UGT1A1: variants seen among roughly 807,000 people sequenced by gnomAD.
The protein encoded by UGT1A1 is UDP-glucuronosyltransferase 1A1.
A neutral mutation model predicts 40.6 loss-of-function variants in UGT1A1; 33 were observed. The ratio of observed to expected loss-of-function variants is 0.81; its 90% confidence interval spans 0.62 to 1.09. The LOEUF is 1.09. UGT1A1 is among the 50% of genes least tolerant of loss of function. UGT1A1 has a pLI of 0.00. For missense variants in UGT1A1, 694 were observed against 671.2 expected, an observed-to-expected ratio of 1.03 and a Z score of -0.38; for synonymous variants, 249 against 265.0, an observed-to-expected ratio of 0.94 and a Z score of 0.59.
chr2:233,771,184 C>G (rs1452671929), intron 4 of UGT1A1: 1 of 152,242 alleles, frequency 6.6e-6, no homozygotes, highest in Non-Finnish European at 1.5e-5. Flanking sequence ...TACAATTCAA[C>G]ATGAGATCTG....
At position 233,761,093 on chromosome 2, in the gene UGT1A1, T is replaced by G; in HGVS notation, c.806T>G (p.Met269Arg). 6.2e-7 allele frequency: 1 copy of G among 1,614,222 alleles called. No homozygotes were observed. The highest frequency in any genetic ancestry group is 8.5e-7 in the Non-Finnish European group (1 of 1,180,028). ...GTGAAGGATTACCCTAGGCCCATCA[T>G]GCCCAATATGGTTTTTGTTGGTGGA... ...DFVKDYPRPI[M>R]PNMVFVGGIN... The change falls in exon 1 of 5, where the codon ATG (methionine) becomes AGG (arginine). Residue 269 changes from methionine (M) to arginine (R), a missense_variant. Met to Arg is a moderately conservative substitution (Grantham distance 91). Coordinates refer to ENST00000305208, the MANE Select transcript of UGT1A1 (RefSeq NM_000463.3).
chr2:233,767,223 A>G (rs1699340574), intron 2 of UGT1A1, 58 bp downstream of exon 2: 3 of 1,610,856 alleles, frequency 1.9e-6, no homozygotes, highest in South Asian at 1.1e-5. Flanking sequence ...CTAATCCCAG[A>G]CTTCCAGCTT....
intron 1 of UGT1A1, 105 bp from the exon 2 acceptor site, chr2:233,766,924 ATGCCT>A: frequency 6.4e-7 from 1 of 1,565,450 alleles, no homozygotes; most frequent in Non-Finnish European, 8.6e-7. Context: ...TCAAACACGC[ATGCCT>A]TTAATCATAG....
chr2:233,768,949 T>G (rs973201287), intron 4 of UGT1A1, among the ~76,000 whole-genome samples: 26 of 152,212 alleles, frequency 1.7e-4, no homozygotes, highest in Admixed American at 1.5e-3. Context: ...TTAGTTTCTA[T>G]ATAATTTATC....
chr2:233,761,872 G>A (rs1697885478), intron 1 of UGT1A1, among the ~76,000 whole-genome samples: 1 of 152,232 alleles, frequency 6.6e-6, no homozygotes, highest in Admixed American at 6.5e-5. Context: ...ATTTCAGAGA[G>A]CGTTCATTCA....
rs1173929998 is a variant in UGT1A1, at chr2:233,772,412, G to A, written c.1455G>A (p.Gln485=). The change falls in exon 5 of 5, where the codon CAG becomes CAA. Residue 485 remains glutamine (Q), a synonymous_variant. Transcript: ENST00000305208. The part of the protein sequence containing the change: ...RPAAHDLTWY[Q]YHSLDVIGFL... Reference sequence around the variant, plus strand: ...CAGCCCACGACCTCACCTGGTACCAGTACCATTCCTTGGACGTGATTGGTT... The same window carrying A: ...CAGCCCACGACCTCACCTGGTACCAATACCATTCCTTGGACGTGATTGGTT... 3 of 1,614,244 alleles carry A rather than the reference G, an allele frequency of 1.9e-6. No individual in the cohort carries two copies. The highest frequency in any genetic ancestry group is 1.7e-5 in the Admixed American group (1 of 60,028).
Position 233,768,531 on chromosome 2 carries a change from G to A in UGT1A1, c.1304+92G>A, listed in dbSNP as rs868518109. ...AAACATTTACGTAGCATTTAATAGC[G>A]TTGTTTCAAATATAAAAACAAATAC... On this transcript the variant is annotated intron_variant, in intron 4 of 4. Transcript: ENST00000305208. 3.8e-5 allele frequency: 56 copies of A among 1,481,648 alleles called. No individual in the cohort carries two copies. In the East Asian group the frequency reaches 3.8e-4, roughly 10 times the overall value. 91.8% of individuals were successfully genotyped at this position (1,481,648 alleles called of 1,614,324 possible).
At position 233,767,163 on chromosome 2, in the gene UGT1A1, A is replaced by C; in HGVS notation, c.994A>C (p.Thr332Pro). ...TGATGCTTTGGGCAAAATCCCTCAG[A>C]CAGTAAGAAGATTCTATACCATGGC... is the stretch of plus-strand genomic sequence containing the variant. Reference protein sequence around the residue: ...IADALGKIPQTVLWRYTGTRP... With the variant: ...IADALGKIPQPVLWRYTGTRP... Residue 332 changes from threonine (T) to proline (P), a missense_variant and splice_region_variant, in exon 2 of 5, where the codon ACA becomes CCA. Thr to Pro is a conservative substitution (Grantham distance 38). Coordinates refer to ENST00000305208, the MANE Select transcript of UGT1A1 (RefSeq NM_000463.3). The C allele has an allele frequency of 6.2e-7, 1 of 1,614,100 alleles. No individual in the cohort carries two copies. The highest frequency in any genetic ancestry group is 8.5e-7 in the Non-Finnish European group (1 of 1,180,006).
At chr2:233,767,659 C>G (rs975874168) in intron 2 of UGT1A1, among the ~76,000 whole-genome samples, 190 bp from the exon 3 acceptor site, 4 of 152,186 alleles carry the variant, frequency 2.6e-5, no homozygotes, top group African/African-American at 9.7e-5. Context: ...TGCATACACC[C>G]TTGTAACTAA....
At chr2:233,762,434 G>T (rs1698074575) in intron 1 of UGT1A1, among the ~76,000 whole-genome samples, 1 of 152,184 alleles carries the variant, frequency 6.6e-6, no homozygotes, top group Non-Finnish European at 1.5e-5. Flanking sequence ...GAGTAACAGT[G>T]TATTCCCACT....
Position 233,761,049 on chromosome 2 carries a change from G to A in UGT1A1, c.762G>A (p.Trp254Ter), listed in dbSNP as rs1344319848. 2 of 1,614,174 alleles carry A rather than the reference G, an allele frequency of 1.2e-6. No homozygotes were observed. The highest frequency in any genetic ancestry group is 1.7e-6 in the Non-Finnish European group (2 of 1,180,038). The change falls in exon 1 of 5, where the codon TGG (tryptophan) becomes TGA (stop). Residue 254 changes from tryptophan (W) to a stop codon, truncating the protein, a stop_gained. Transcript: ENST00000305208. LOFTEE classifies it high-confidence loss of function. Reference protein sequence around the residue: ...VQDLLSSASVWLFRSDFVKDY... With the variant: ...VQDLLSSASV ...ACCTATTGAGCTCTGCATCTGTCTGGCTGTTTAGAAGTGACTTTGTGAAGG... is the reference window on the plus strand; with the variant it reads ...ACCTATTGAGCTCTGCATCTGTCTGACTGTTTAGAAGTGACTTTGTGAAGG...
chr2:233,766,731 T>C (rs1699235503), intron 1 of UGT1A1, among the ~76,000 whole-genome samples: 1 of 152,174 alleles, frequency 6.6e-6, no homozygotes, highest in African/African-American at 2.4e-5. Flanking sequence ...TATCACTGTG[T>C]GTATGTACAG....
rs755308142 is a variant in UGT1A1 at position 233,761,135 on chromosome 2, A to G, written c.848A>G (p.Gln283Arg). 1 of 1,614,240 alleles carries G rather than the reference A, an allele frequency of 6.2e-7. No homozygotes were observed. The change falls in exon 1 of 5, where the codon CAA becomes CGA. Residue 283 changes from glutamine to arginine, a missense_variant. Physicochemically the swap from Gln to Arg is conservative, Grantham distance 43. Transcript: ENST00000305208. ...GTTGGTGGAATCAACTGCCTTCACC[A>G]AAATCCACTATCCCAGGTGTGTATT... Reference protein sequence around the residue: ...VFVGGINCLHQNPLSQEFEAY... With the variant: ...VFVGGINCLHRNPLSQEFEAY...
At chr2:233,771,865 A>G (rs1241166548) in intron 4 of UGT1A1, among the ~76,000 whole-genome samples, 1 of 149,352 alleles carries the variant, frequency 6.7e-6, no homozygotes, top group Non-Finnish European at 1.5e-5. Context: ...GATCAATAAC[A>G]TTTATTAAGA....
intron 4 of UGT1A1, chr2:233,770,766 A>G (rs1416026522): frequency 6.6e-6 from 1 of 152,230 alleles, no homozygotes; most frequent in Non-Finnish European, 1.5e-5. Context: ...TTACATTATA[A>G]TAATGTTTCC....
intron 1 of UGT1A1, among the ~76,000 whole-genome samples, chr2:233,765,889 C>T (rs1032509940): frequency 6.6e-6 from 1 of 152,020 alleles, no homozygotes; most frequent in Admixed American, 6.5e-5. Context: ...TTTCTCAGTG[C>T]GCCACTGCTC....
At chr2:233,763,732 A>T (rs1272484781) in intron 1 of UGT1A1, among the ~76,000 whole-genome samples, 1 of 152,234 alleles carries the variant, frequency 6.6e-6, no homozygotes, top group East Asian at 1.9e-4. Context: ...ACAACCTGGC[A>T]TTGGCGTGTC....
In UGT1A1 at chr2:233,772,491, T is replaced by C; in HGVS notation, c.1534T>C (p.Tyr512His). The C allele has an allele frequency of 6.2e-7, 1 of 1,614,160 alleles. No homozygotes were observed. Among genetic ancestry groups the C allele is most frequent in the South Asian group, 1.1e-5 (1 of 91,082 alleles). Reference sequence around the variant, plus strand: ...CTTCATCACCTTTAAATGTTGTGCTTATGGCTACCGGAAATGCTTGGGGAA... The same window carrying C: ...CTTCATCACCTTTAAATGTTGTGCTCATGGCTACCGGAAATGCTTGGGGAA... ...VAFITFKCCA[Y>H]GYRKCLGKKG... Residue 512 changes from tyrosine to histidine, a missense_variant, in exon 5 of 5, where the codon TAT becomes CAT. Physicochemically the swap from Tyr to His is moderately conservative, Grantham distance 83 (BLOSUM62 2). Coordinates refer to ENST00000305208, the MANE Select transcript of UGT1A1 (RefSeq NM_000463.3).
In UGT1A1 at chr2:233,760,681, C is replaced by T. The variant is rs769242961; in HGVS notation, c.394C>T (p.His132Tyr). 2 of 1,614,246 alleles carry T rather than the reference C, an allele frequency of 1.2e-6. No homozygotes were observed. The highest frequency in any genetic ancestry group is 1.7e-6 in the Non-Finnish European group (2 of 1,180,048). Reference sequence around the variant, plus strand: ...TTTGTCTGGCTGTTCCCACTTACTGCACAACAAGGAGCTCATGGCCTCCCT... The same window carrying T: ...TTTGTCTGGCTGTTCCCACTTACTGTACAACAAGGAGCTCATGGCCTCCCT... ...MLLSGCSHLLHNKELMASLAE... is the reference protein window; with the variant it reads ...MLLSGCSHLLYNKELMASLAE... The change falls in exon 1 of 5, where the codon CAC becomes TAC. Residue 132 changes from histidine (H) to tyrosine (Y), a missense_variant. Physicochemically the swap from His to Tyr is moderately conservative, Grantham distance 83. Coordinates refer to ENST00000305208, the MANE Select transcript of UGT1A1 (RefSeq NM_000463.3).
Sources: allele counts gnomAD v4.1 joint callset (sites outside exome capture counted in the v4.1 genomes callset), GRCh38; gene constraint gnomAD v4.1.1; transcripts MANE v1.5; gene names NCBI Gene and HGNC (gene_info 2026-07-23, HGNC 2026-07-21).